The following PRKN variants were observed in gnomAD, a reference collection of about 807,000 sequenced individuals.
The protein encoded by PRKN is E3 ubiquitin-protein ligase parkin.
In PRKN, 56 loss-of-function variants were observed where a neutral mutation model predicts 59.5. That is an observed-to-expected ratio of 0.94 (90% CI 0.76 to 1.18). The LOEUF (loss-of-function observed/expected upper bound fraction) is 1.18, where lower values mean the gene tolerates loss of function less well. Among genes scored for constraint, PRKN ranks in the 50% most tolerant of loss-of-function variants. PRKN has a pLI of 0.00. For synonymous variants in PRKN, 250 were observed against 222.1 expected (o/e 1.13, Z -1.12); for missense variants, 657 against 596.4 (o/e 1.10, Z -1.06).
At chr6:161,583,458 GT>G (rs200897316) in intron 7 of PRKN, among the ~76,000 whole-genome samples, 26 of 148,876 alleles carry the variant, frequency 1.7e-4, no homozygotes, top group East Asian at 3.9e-4. Flanking sequence ...TCATTTCCAG[GT>G]TTTTTTTTTC....
At chr6:162,507,013 A>G (rs1417101923) in intron 1 of PRKN, among the ~76,000 whole-genome samples, 1 of 152,216 alleles carries the variant, frequency 6.6e-6, no homozygotes, top group Non-Finnish European at 1.5e-5. Context: ...GCAGAACAGG[A>G]GAGGGTAAAA....
intron 1 of PRKN, among the ~76,000 whole-genome samples, chr6:162,491,029 G>A (rs1167419760): frequency 6.6e-6 from 1 of 152,030 alleles, no homozygotes; most frequent in African/African-American, 2.4e-5. Flanking sequence ...CTTGAACCCA[G>A]GAGGCGGGGG....
chr6:162,407,115 C>A (rs564918744), intron 2 of PRKN, among the ~76,000 whole-genome samples: 2 of 152,248 alleles, frequency 1.3e-5, no homozygotes, highest in East Asian at 3.9e-4. Context: ...TCCAAAGCAA[C>A]CTAGACTTTG....
Position 161,503,598 on chromosome 6 carries a change from G to A in PRKN, c.1083+45256C>T, listed in dbSNP as rs1367320483. 1.3e-5 allele frequency among the ~76,000 whole-genome samples: 2 copies of A among 152,172 alleles called. No homozygotes were observed. Among genetic ancestry groups the A allele is most frequent in the African/African-American group, 4.8e-5 (2 of 41,442 alleles). ...GGAGGTGAGGGACTGGACTGAGGGG[G>A]CTATGGGGGCGACCTAGTCTAGCTG... is the stretch of plus-strand genomic sequence containing the variant. On this transcript the variant is annotated intron_variant, in intron 9 of 11. Transcript: ENST00000366898. The surrounding 1 kb of genome is among the most constrained non-coding windows in gnomAD (Gnocchi z 5.1).
chr6:161,820,373 C>T (rs1258046411), intron 6 of PRKN, among the ~76,000 whole-genome samples: 1 of 151,404 alleles, frequency 6.6e-6, no homozygotes, highest in East Asian at 1.9e-4. Context: ...ATAATCTCTC[C>T]TGTGACAATA....
intron 1 of PRKN, among the ~76,000 whole-genome samples, chr6:162,528,173 T>G (rs7764161): frequency 2.6e-5 from 4 of 151,336 alleles, no homozygotes; most frequent in Admixed American, 1.3e-4. Flanking sequence ...ATACAAAAAA[T>G]TAGCCAGGCG....
intron 7 of PRKN, among the ~76,000 whole-genome samples, chr6:161,639,228 G>A (rs1422875830): frequency 1.3e-5 from 2 of 152,170 alleles, no homozygotes; most frequent in African/African-American, 4.8e-5. Flanking sequence ...AACTTTATTA[G>A]CAGTGTGAGA....
intron 2 of PRKN, among the ~76,000 whole-genome samples, chr6:162,359,220 G>C (rs2128133394): frequency 6.6e-6 from 1 of 151,804 alleles, no homozygotes; most frequent in East Asian, 1.9e-4. Context: ...AAACCACCAG[G>C]TAAATAAATA....
intron 7 of PRKN, among the ~76,000 whole-genome samples, chr6:161,726,777 C>T (rs1359279334): frequency 1.3e-5 from 2 of 151,984 alleles, no homozygotes; most frequent in Non-Finnish European, 2.9e-5. Flanking sequence ...AGAGAGATGC[C>T]CTAGAGGACC....
chr6:162,218,810 C>T (rs1054607565), intron 3 of PRKN, among the ~76,000 whole-genome samples: 2 of 152,060 alleles, frequency 1.3e-5, no homozygotes, highest in Non-Finnish European at 2.9e-5. Flanking sequence ...CATGTTCCTC[C>T]GTGGCAGCGA....
Position 162,132,378 on chromosome 6 carries a change from G to A in PRKN, c.534+68753C>T, listed in dbSNP as rs112414519. Among the ~76,000 whole-genome samples the A allele has an allele frequency of 1.1e-3, 168 of 152,216 alleles. 1 individual carries two copies. The highest frequency in any genetic ancestry group is 3.9e-3 in the African/African-American group (164 of 41,530). Reference sequence around the variant, plus strand: ...AGAGCTTCACCTCGACCACGGACAGGCCATACCAGAGGCAGCAAGGCACAC... The same window carrying A: ...AGAGCTTCACCTCGACCACGGACAGACCATACCAGAGGCAGCAAGGCACAC... On this transcript the variant is annotated intron_variant, in intron 4 of 11. Coordinates refer to ENST00000366898, the MANE Select transcript of PRKN (RefSeq NM_004562.3).
At chr6:161,871,300 G>GA (rs940373898) in intron 6 of PRKN, among the ~76,000 whole-genome samples, 3 of 151,958 alleles carry the variant, frequency 2.0e-5, no homozygotes, top group Non-Finnish European at 4.4e-5. Context: ...CTGTGATAGA[G>GA]AAAAACCATA....
At chr6:161,815,623 A>G (rs1791742478) in intron 6 of PRKN, among the ~76,000 whole-genome samples, 1 of 152,234 alleles carries the variant, frequency 6.6e-6, no homozygotes, top group African/African-American at 2.4e-5. Context: ...ATGTGGGACA[A>G]AGGTCCGTGA....
chr6:161,658,030 A>AAAAAAAAAAAG (rs781518268), intron 7 of PRKN, among the ~76,000 whole-genome samples: 22,745 of 101,642 alleles, frequency 0.22, 2,666 homozygotes, highest in Non-Finnish European at 0.3. Flanking sequence ...AAAAAAAAAA[A>AAAAAAAAAAAG]AAAAGAAAAG....
At chr6:162,470,892 T>C (rs747082557) in intron 1 of PRKN, among the ~76,000 whole-genome samples, 9 of 150,296 alleles carry the variant, frequency 6.0e-5, no homozygotes, top group African/African-American at 1.5e-4. Flanking sequence ...GAGTAACTGG[T>C]ATTACAGGTG....
At chr6:162,550,230 G>A (rs908716477) in intron 1 of PRKN, among the ~76,000 whole-genome samples, 2 of 152,170 alleles carry the variant, frequency 1.3e-5, no homozygotes, top group South Asian at 2.1e-4. Flanking sequence ...CGGCCTTTAG[G>A]TGGAACGAAG....
intron 4 of PRKN, among the ~76,000 whole-genome samples, chr6:162,079,863 A>G (rs913772164): frequency 6.6e-6 from 1 of 152,178 alleles, no homozygotes; most frequent in Non-Finnish European, 1.5e-5. Flanking sequence ...TAATGCATTT[A>G]CAGTTAGTAT....
chr6:161,661,812 C>A (rs944357256), intron 7 of PRKN, among the ~76,000 whole-genome samples: 1 of 152,106 alleles, frequency 6.6e-6, no homozygotes. Flanking sequence ...CACCTGAGGT[C>A]AGGAGTTTAA....
chr6:162,682,440 A>G (rs377556059), intron 1 of PRKN, among the ~76,000 whole-genome samples: 2 of 152,196 alleles, frequency 1.3e-5, no homozygotes, highest in South Asian at 2.1e-4. Context: ...GAATGAAATC[A>G]TGTCCTTTGA....
Sources: allele counts gnomAD v4.1 joint callset (sites outside exome capture counted in the v4.1 genomes callset), GRCh38; gene constraint gnomAD v4.1.1; non-coding constraint Gnocchi (gnomAD v3.1); transcripts MANE v1.5; gene names NCBI Gene and HGNC (gene_info 2026-07-23, HGNC 2026-07-21).